OR9I1: variants seen among roughly 807,000 people sequenced by gnomAD.
OR9I1 encodes olfactory receptor 9I1.
Under a neutral mutation model 11.2 loss-of-function variants are expected in OR9I1, and 7 were observed. That is an observed-to-expected ratio of 0.62 (90% CI 0.36 to 1.17). The LOEUF (loss-of-function observed/expected upper bound fraction) is 1.17. Among genes scored for constraint, OR9I1 ranks in the 50% most tolerant of loss-of-function variants. The pLI is 0.02. For missense variants in OR9I1, 428 were observed against 377.2 expected, an observed-to-expected ratio of 1.13 and a Z score of -1.12; for synonymous variants, 165 against 153.4, an observed-to-expected ratio of 1.08 and a Z score of -0.56.
Position 58,118,212 on chromosome 11 carries a change from T to G in OR9I1, c.*288A>C, listed in dbSNP as rs1056313563. The G allele has an allele frequency of 1.6e-5, 4 of 251,632 alleles. No individual in the cohort carries two copies. The highest frequency in any genetic ancestry group is 4.9e-5 in the Admixed American group (1 of 20,260). 15.6% of individuals were successfully genotyped at this position (251,632 alleles called of 1,614,324 possible). On this transcript the variant is annotated 3_prime_UTR_variant, in exon 3 of 3. Transcript: ENST00000641439. ...AGTATTGGGTTGGAATGAAATAAAC[T>G]CAAGACTCCTGGGATCTGAGATTCT...
chr11:58,122,971 T>TC (rs1216909633), intron 2 of OR9I1, among the ~76,000 whole-genome samples: 2 of 152,064 alleles, frequency 1.3e-5, no homozygotes, highest in Non-Finnish European at 2.9e-5. Flanking sequence ...TGTTTTTTTT[T>TC]TCGGATTTTG....
chr11:58,119,288 C>A lies in OR9I1; in HGVS notation c.157G>T (p.Val53Phe). 6.2e-7 allele frequency: 1 copy of A among 1,613,902 alleles called. No homozygotes were observed. Among genetic ancestry groups the A allele is most frequent in the East Asian group, 2.2e-5 (1 of 44,822 alleles). The change falls in exon 3 of 3, where the codon GTC becomes TTC. Residue 53 changes from valine (V) to phenylalanine (F), a missense_variant. By Grantham distance (50) the Val-to-Phe change is conservative (BLOSUM62 -1). Transcript: ENST00000641439. The stretch of plus-strand genomic sequence containing the variant: ...AAGTACATTGGGGTGTAGAGTTTGA[C>A]ATCTACTTGGATTAACATAATCATC... ...VGMIMLIQVD[V>F]KLYTPMYFFL...
Position 58,118,515 on chromosome 11 carries a change from C to G in OR9I1, c.930G>C (p.Val310=). ...TTACTTAGATCTACATGCTCAGGGA[C>G]ACCTGGAGTCTCCTAGCGACCTTTC... ...AFRKVARRLQ[V]SLSM Residue 310 remains valine (V), a synonymous_variant, in exon 3 of 3, where the codon GTG becomes GTC. Coordinates refer to ENST00000641439, the MANE Select transcript of OR9I1 (RefSeq NM_001005211.2). The G allele has an allele frequency of 1.9e-6, 3 of 1,601,912 alleles. No homozygotes were observed. The highest frequency in any genetic ancestry group is 1.1e-5 in the South Asian group (1 of 88,922).
At chr11:58,119,772 T>A (rs1854008026) in intron 2 of OR9I1, among the ~76,000 whole-genome samples, 1 of 152,164 alleles carries the variant, frequency 6.6e-6, no homozygotes, top group Non-Finnish European at 1.5e-5. Context: ...GGCTGGAGTC[T>A]CACTTACCAT....
chr11:58,123,398 T>C (rs1229191746), intron 2 of OR9I1, among the ~76,000 whole-genome samples: 1 of 152,216 alleles, frequency 6.6e-6, no homozygotes, highest in Admixed American at 6.5e-5. Context: ...ATCTATCTCA[T>C]GGCTAATTCC....
rs201622918 is a variant in OR9I1 at position 58,118,841 on chromosome 11, A to G, written c.604T>C (p.Phe202Leu). ...TTGGCCAAAATCACAAAATTGCCAA[A>G]GAAGATGATGACAATCTCGATGTTT... Reference protein sequence around the residue: ...TANIEIVIIFFGNFVILANAS... With the variant: ...TANIEIVIIFLGNFVILANAS... The change falls in exon 3 of 3, where the codon TTT becomes CTT. Residue 202 changes from phenylalanine (F) to leucine (L), a missense_variant. By Grantham distance (22) the Phe-to-Leu change is conservative. Transcript: ENST00000641439. 1.7e-5 allele frequency: 28 copies of G among 1,614,056 alleles called. No individual in the cohort carries two copies. The East Asian group carries it at 6.3e-4, about 36-fold the overall frequency.
chr11:58,116,997 A>G lies in OR9I1; in HGVS notation c.*1503T>C, dbSNP rs913439810. ...ACTCGTTTGTTTTATTCCTTGGTGC[A>G]AAGGATTGAGTTATACATCTTCCTC... On this transcript the variant is annotated 3_prime_UTR_variant, in exon 3 of 3. Transcript: ENST00000641439. 6.6e-5 allele frequency: 10 copies of G among 152,182 alleles called. No individual in the cohort carries two copies. Among genetic ancestry groups the G allele is most frequent in the Admixed American group, 5.2e-4 (8 of 15,278 alleles). The allele number at this position is 152,182 out of a possible 1,614,324, so 9.4% of individuals were successfully genotyped here.
chr11:58,121,855 A>G (rs1261705282), intron 2 of OR9I1, among the ~76,000 whole-genome samples: 1 of 152,156 alleles, frequency 6.6e-6, no homozygotes, highest in Admixed American at 6.5e-5. Flanking sequence ...ATATCCATAA[A>G]TGTCTGTGAT....
In OR9I1 at chr11:58,120,840, GT is replaced by G. The variant is rs534164534; in HGVS notation, c.-22-1375del. 1.2e-4 allele frequency among the ~76,000 whole-genome samples: 13 copies of G among 106,710 alleles called. No individual in the cohort carries two copies. The East Asian group carries it at 3.2e-3, about 26-fold the overall frequency. 70.0% of individuals were successfully genotyped at this position (106,710 alleles called of 152,430 possible). ...TATATATATATATACATATATTCTT[GT>G]TTTTTGACTGAGTAAATTTGACCTT... is the stretch of plus-strand genomic sequence containing the variant. On this transcript the variant is annotated intron_variant, in intron 2 of 2. Coordinates refer to ENST00000641439, the MANE Select transcript of OR9I1 (RefSeq NM_001005211.2).
chr11:58,120,513 G>A (rs1590601896), intron 2 of OR9I1, among the ~76,000 whole-genome samples: 2 of 151,812 alleles, frequency 1.3e-5, no homozygotes, highest in African/African-American at 4.8e-5. Flanking sequence ...TCATGAATGA[G>A]TTCTTTAGTG....
Position 58,118,661 on chromosome 11 carries a change from T to G in OR9I1, c.784A>C (p.Ser262Arg). The change falls in exon 3 of 3, where the codon AGT (serine) becomes CGT (arginine). Residue 262 changes from serine (S) to arginine (R), a missense_variant. Transcript: ENST00000641439. ...FGALIFMYLQ[S>R]GSGKSLEEDK... Reference sequence around the variant, plus strand: ...TCCTCCAGAGATTTGCCTGAGCCACTTTGCAGATACATGAAGATAAGGGCT... The same window carrying G: ...TCCTCCAGAGATTTGCCTGAGCCACGTTGCAGATACATGAAGATAAGGGCT... 6.2e-7 allele frequency: 1 copy of G among 1,613,978 alleles called. No homozygotes were observed. The highest frequency in any genetic ancestry group is 1.1e-5 in the South Asian group (1 of 91,026).
In OR9I1 at chr11:58,118,909, CAGA is replaced by C. The variant is rs781432688; in HGVS notation, c.533_535del (p.Phe178del). 8 of 1,613,884 alleles carry C rather than the reference CAGA, an allele frequency of 5.0e-6. No homozygotes were observed. The Admixed American group carries it at 8.3e-5, about 17-fold the overall frequency. ...AAGCTTCAGCAGGGGTGGGAGGTCA[CAGA>C]AGAAGAAGTTTATTTGATTGTCCTT... On this transcript the variant is annotated inframe_deletion, in exon 3 of 3. Coordinates refer to ENST00000641439, the MANE Select transcript of OR9I1 (RefSeq NM_001005211.2).
At chr11:58,123,544 T>C (rs1366819291) in intron 2 of OR9I1, among the ~76,000 whole-genome samples, 1 of 152,196 alleles carries the variant, frequency 6.6e-6, no homozygotes, top group African/African-American at 2.4e-5. Context: ...ACATTAGCTC[T>C]AGTCCTTCCT....
At position 58,118,765 on chromosome 11, in the gene OR9I1, T is replaced by G; in HGVS notation, c.680A>C (p.Lys227Thr). The G allele has an allele frequency of 6.2e-7, 1 of 1,614,058 alleles. No homozygotes were observed. Among genetic ancestry groups the G allele is most frequent in the Non-Finnish European group, 8.5e-7 (1 of 1,179,988 alleles). ...GGCCCTGCCACCTGAAGACTTCACT[T>G]TCAAAATGGTCTTGATGATGAGCAG... ...SYLLIIKTILKVKSSGGRAKT... is the reference protein window; with the variant it reads ...SYLLIIKTILTVKSSGGRAKT... The change falls in exon 3 of 3, where the codon AAA (lysine) becomes ACA (threonine). Residue 227 changes from lysine (K) to threonine (T), a missense_variant. Coordinates refer to ENST00000641439, the MANE Select transcript of OR9I1 (RefSeq NM_001005211.2).
rs1236095714 is a variant in OR9I1, at chr11:58,118,831, A to G, written c.614T>C (p.Phe205Ser). ...GACGGAGGCATTGGCCAAAATCACA[A>G]AATTGCCAAAGAAGATGATGACAAT... ...IEIVIIFFGN[F>S]VILANASVIL... Residue 205 changes from phenylalanine (F) to serine (S), a missense_variant, in exon 3 of 3, where the codon TTT (phenylalanine) becomes TCT (serine). Phe to Ser is a radical substitution (Grantham distance 155, BLOSUM62 -2). Coordinates refer to ENST00000641439, the MANE Select transcript of OR9I1 (RefSeq NM_001005211.2). 2.5e-6 allele frequency: 4 copies of G among 1,613,946 alleles called. No homozygotes were observed. Among genetic ancestry groups the G allele is most frequent in the Non-Finnish European group, 3.4e-6 (4 of 1,180,014 alleles).
In OR9I1 at chr11:58,118,808, C is replaced by T. The variant is rs113763198; in HGVS notation, c.637G>A (p.Val213Ile). ...ATGAGCAGATAGGAAATCAGGATGA[C>T]GGAGGCATTGGCCAAAATCACAAAA... ...GNFVILANAS[V>I]ILISYLLIIK... is the part of the protein sequence containing the mutation. The change falls in exon 3 of 3, where the codon GTC becomes ATC. Residue 213 changes from valine to isoleucine, a missense_variant. Coordinates refer to ENST00000641439, the MANE Select transcript of OR9I1 (RefSeq NM_001005211.2). The T allele has an allele frequency of 0.01, 16,731 of 1,614,022 alleles. 118 individuals are homozygous for T. The highest frequency in any genetic ancestry group is 0.013 in the Non-Finnish European group (14,758 of 1,179,972).
At chr11:58,121,534 A>T (rs193093322) in intron 2 of OR9I1, among the ~76,000 whole-genome samples, 1 of 152,306 alleles carries the variant, frequency 6.6e-6, no homozygotes, top group Admixed American at 6.5e-5. Context: ...CATGTAGAGG[A>T]GCCAGGATCC....
rs374928765 is a variant in OR9I1 at position 58,119,358 on chromosome 11, C to T, written c.87G>A (p.Leu29=). Residue 29 remains leucine (L), a synonymous_variant, in exon 3 of 3, where the codon CTG becomes CTA. Transcript: ENST00000641439. The part of the protein sequence containing the change: ...DHPKLEIPLF[L]VFLSFYLVTL... ...TGACTAGGTAGAAACTCAGAAACAC[C>T]AGAAAGAGGGGAATCTCCAATTTGG... is the stretch of plus-strand genomic sequence containing the variant. 6.2e-7 allele frequency: 1 copy of T among 1,613,658 alleles called. No homozygotes were observed. Among genetic ancestry groups the T allele is most frequent in the Non-Finnish European group, 8.5e-7 (1 of 1,179,838 alleles).
At chr11:58,119,788 C>T (rs1854008404) in intron 2 of OR9I1, among the ~76,000 whole-genome samples, 1 of 151,792 alleles carries the variant, frequency 6.6e-6, no homozygotes, top group African/African-American at 2.4e-5. Flanking sequence ...ACCATATACC[C>T]ACCACACGGT....
Sources: allele counts gnomAD v4.1 joint callset (sites outside exome capture counted in the v4.1 genomes callset), GRCh38; gene constraint gnomAD v4.1.1; transcripts MANE v1.5; gene names NCBI Gene and HGNC (gene_info 2026-07-23, HGNC 2026-07-21).